ASIC4: variants seen among roughly 807,000 people sequenced by gnomAD.
ASIC4 encodes the protein acid-sensing ion channel 4.
In ASIC4, 28 loss-of-function variants were observed where a neutral mutation model predicts 53.4. That is an observed-to-expected ratio of 0.52 (90% CI 0.39 to 0.72). The LOEUF (loss-of-function observed/expected upper bound fraction) is 0.72, where lower values mean the gene tolerates loss of function less well. Ranked by LOEUF, ASIC4 falls within the 30% of genes least tolerant of loss-of-function variation. ASIC4 has a pLI of 0.00. For missense variants in ASIC4, 649 were observed against 729.7 expected, an observed-to-expected ratio of 0.89 and a Z score of 1.27; for synonymous variants, 289 against 301.4, an observed-to-expected ratio of 0.96 and a Z score of 0.43.
At chr2:219,524,012 G>A (rs1019485206) in intron 1 of ASIC4, among the ~76,000 whole-genome samples, 4 of 151,976 alleles carry the variant, frequency 2.6e-5, no homozygotes, top group African/African-American at 7.3e-5. Context: ...TTGTAGAGAC[G>A]AGGTCTCGCT....
At position 219,514,957 on chromosome 2, in the gene ASIC4, T is replaced by C. The variant is rs1336179052; in HGVS notation, c.233T>C (p.Leu78Pro). ...TLWALALLTSLAAFLYQAAGL... is the reference protein window; with the variant it reads ...TLWALALLTSPAAFLYQAAGL... Reference sequence around the variant, plus strand: ...TGGGCACTGGCCCTACTCACCTCGCTGGCTGCCTTCCTGTACCAGGCGGCT... The same window carrying C: ...TGGGCACTGGCCCTACTCACCTCGCCGGCTGCCTTCCTGTACCAGGCGGCT... Residue 78 changes from leucine (L) to proline (P), a missense_variant, in exon 1 of 10, where the codon CTG (leucine) becomes CCG (proline). Leu to Pro is a moderately conservative substitution (Grantham distance 98). Transcript: ENST00000358078. 3 of 1,613,208 alleles carry C rather than the reference T, an allele frequency of 1.9e-6. No individual in the cohort carries two copies. The highest frequency in any genetic ancestry group is 1.7e-5 in the Admixed American group (1 of 60,016).
the ASIC4 span, among the ~76,000 whole-genome samples, chr2:219,508,682 G>A: frequency 4.6e-5 from 7 of 152,186 alleles, no homozygotes; most frequent in East Asian, 1.4e-3. Context: ...GGGGTGCAGG[G>A]GGCCCCTTTG....
intron 1 of ASIC4, among the ~76,000 whole-genome samples, chr2:219,529,285 G>T (rs1413105419): frequency 8.5e-5 from 13 of 152,204 alleles, no homozygotes; most frequent in African/African-American, 3.1e-4. Flanking sequence ...CCCCACAGAT[G>T]GATACATAGC....
In ASIC4 at chr2:219,518,512, C is replaced by G. The variant is rs1026741459; in HGVS notation, c.582+3206C>G. ...GCTAGCTCCAGCTAGTTTACCTCTG[C>G]TCCTCTCTTCTCCCTCCCCTCTTCA... On this transcript the variant is annotated intron_variant, in intron 1 of 9. Transcript: ENST00000358078. The surrounding 1 kb of genome is among the most constrained non-coding windows in gnomAD (Gnocchi z 4.8). Among the ~76,000 whole-genome samples the G allele has an allele frequency of 6.7e-6, 1 of 148,908 alleles. No homozygotes were observed. The highest frequency in any genetic ancestry group is 1.5e-5 in the Non-Finnish European group (1 of 67,974).
upstream of ASIC4, among the ~76,000 whole-genome samples, chr2:219,512,447 T>TA (rs1245797384): frequency 6.6e-6 from 1 of 151,568 alleles, no homozygotes; most frequent in Non-Finnish European, 1.5e-5. Context: ...AAAGTAACCT[T>TA]AAAAAGCAAT....
upstream of ASIC4, among the ~76,000 whole-genome samples, chr2:219,512,401 G>T (rs1694713613): frequency 6.6e-6 from 1 of 152,084 alleles, no homozygotes; most frequent in South Asian, 2.1e-4. Flanking sequence ...AGAGTTTGGG[G>T]GGCAGTTTCC....
intron 1 of ASIC4, among the ~76,000 whole-genome samples, chr2:219,526,701 T>G (rs1291038640): frequency 1.4e-5 from 2 of 142,690 alleles, no homozygotes; most frequent in Admixed American, 7.0e-5. Flanking sequence ...AAAGGGGAGG[T>G]GATCAGAGAA....
chr2:219,533,235 A>T, intron 5 of ASIC4: 1 of 521,312 alleles, frequency 1.9e-6, no homozygotes. Context: ...ACTTTGAGAA[A>T]GTGAAATGAC....
Position 219,535,318 on chromosome 2 carries a change from A to G in ASIC4, c.1223A>G (p.Tyr408Cys). The G allele has an allele frequency of 2.5e-6, 4 of 1,598,812 alleles. No individual in the cohort carries two copies. The highest frequency in any genetic ancestry group is 3.4e-6 in the Non-Finnish European group (4 of 1,173,392). ...AGGAAGTACAACCGCAACGAGACCT[A>G]CATACGGTATGTGTGTGTGTGTGTG... ...LARKYNRNET[Y>C]IRENFLVLDV... Residue 408 changes from tyrosine to cysteine, a missense_variant, in exon 6 of 10, where the codon TAC becomes TGC. By Grantham distance (194) the Tyr-to-Cys change is radical. Coordinates refer to ENST00000358078, the MANE Select transcript of ASIC4 (RefSeq NM_018674.6).
rs150512635 is a variant in ASIC4 at position 219,533,680 on chromosome 2, C to T, written c.1075+741C>T. The T allele has an allele frequency of 2.1e-3, 318 of 153,316 alleles. 1 individual carries two copies. Among genetic ancestry groups the T allele is most frequent in the Non-Finnish European group, 3.6e-3 (247 of 68,842 alleles). 9.5% of individuals were successfully genotyped at this position (153,316 alleles called of 1,614,324 possible). On this transcript the variant is annotated intron_variant, in intron 5 of 9. Coordinates refer to ENST00000358078, the MANE Select transcript of ASIC4 (RefSeq NM_018674.6). ...GTGGCCAGAAAGAGCATGCTGTGTC[C>T]GGGGCACTGAAAGGTCTGTGTGGCT...
Position 219,538,473 on chromosome 2 carries a change from G to A in ASIC4, c.*427G>A. On this transcript the variant is annotated 3_prime_UTR_variant, in exon 10 of 10. Transcript: ENST00000358078. ...GGACAGCCAGGGTCCCAGCCCCAAT[G>A]TCAGCAGGATAGGGAGAGCCCCAGG... The A allele has an allele frequency of 4.6e-6, 1 of 215,874 alleles. No homozygotes were observed. Among genetic ancestry groups the A allele is most frequent in the Non-Finnish European group, 9.4e-6 (1 of 106,294 alleles). The allele number at this position is 215,874 out of a possible 1,614,324, so 13.4% of individuals were successfully genotyped here.
chr2:219,527,958 C>T (rs1037595769), intron 1 of ASIC4, among the ~76,000 whole-genome samples: 9 of 152,264 alleles, frequency 5.9e-5, no homozygotes, highest in Non-Finnish European at 8.8e-5. Flanking sequence ...GACACCACAA[C>T]GGTGCCTGGC....
intron 1 of ASIC4, among the ~76,000 whole-genome samples, chr2:219,520,464 T>G (rs1694867350): frequency 6.6e-6 from 1 of 152,206 alleles, no homozygotes; most frequent in Non-Finnish European, 1.5e-5. Context: ...TCCCAGTGTG[T>G]GGTCAGGCCA....
chr2:219,524,565 A>G (rs1694935915), intron 1 of ASIC4, among the ~76,000 whole-genome samples: 1 of 152,270 alleles, frequency 6.6e-6, no homozygotes, highest in Non-Finnish European at 1.5e-5. Flanking sequence ...AGTGGTTGCT[A>G]TGATTTACGT....
At chr2:219,519,794 G>A (rs1694857595) in intron 1 of ASIC4, among the ~76,000 whole-genome samples, 1 of 152,008 alleles carries the variant, frequency 6.6e-6, no homozygotes, top group Non-Finnish European at 1.5e-5. Flanking sequence ...GGGACCACAG[G>A]ATATAAAGGG....
At chr2:219,534,911 C>T (rs1381868037) in intron 5 of ASIC4, among the ~76,000 whole-genome samples, 2 of 143,786 alleles carry the variant, frequency 1.4e-5, no homozygotes, top group Non-Finnish European at 3.2e-5. Context: ...CTCTGGGCCA[C>T]GAGGACCCCC....
rs958575092 is a variant in ASIC4 at position 219,536,520 on chromosome 2, G to A, written c.1230-546G>A. Among the ~76,000 whole-genome samples, 11 of 152,144 alleles carry A rather than the reference G, an allele frequency of 7.2e-5. No individual in the cohort carries two copies. Among genetic ancestry groups the A allele is most frequent in the African/African-American group, 1.4e-4 (6 of 41,420 alleles). Reference sequence around the variant, plus strand: ...AGTCGGGGAGTGAAGCTGGGGAGGCGTGAGCCGGCCTCTGAGGGCCCTGGG... The same window carrying A: ...AGTCGGGGAGTGAAGCTGGGGAGGCATGAGCCGGCCTCTGAGGGCCCTGGG... On this transcript the variant is annotated intron_variant, in intron 6 of 9. Coordinates refer to ENST00000358078, the MANE Select transcript of ASIC4 (RefSeq NM_018674.6). This position sits in a 1 kb window ranked among gnomAD's most constrained non-coding sequence, Gnocchi z 4.6.
At chr2:219,535,582 AGT>A (rs1424757287) in intron 6 of ASIC4, among the ~76,000 whole-genome samples, 3 of 149,908 alleles carry the variant, frequency 2.0e-5, no homozygotes, top group Middle Eastern at 3.2e-3. Flanking sequence ...CACACTTATG[AGT>A]GTATGTATCT....
At chr2:219,508,230 G>C in the ASIC4 span, among the ~76,000 whole-genome samples, 1 of 152,202 alleles carries the variant, frequency 6.6e-6, no homozygotes, top group African/African-American at 2.4e-5. Context: ...CCAGGGGCTA[G>C]GTCCCTTCCC....
Sources: allele counts gnomAD v4.1 joint callset (sites outside exome capture counted in the v4.1 genomes callset), GRCh38; gene constraint gnomAD v4.1.1; non-coding constraint Gnocchi (gnomAD v3.1); transcripts MANE v1.5; gene names NCBI Gene and HGNC (gene_info 2026-07-23, HGNC 2026-07-21).